PCBP3: variants seen among roughly 807,000 people sequenced by gnomAD.
PCBP3 encodes the protein poly(rC)-binding protein 3.
PCBP3 carries 25 observed loss-of-function variants against 52.7 expected under a neutral mutation model. That is an observed-to-expected ratio of 0.47 (90% CI 0.35 to 0.66). The LOEUF (loss-of-function observed/expected upper bound fraction) is 0.66, where lower values mean the gene tolerates loss of function less well. Among genes scored for constraint, PCBP3 ranks in the 30% least tolerant of loss-of-function variants. The pLI is 0.01. For synonymous variants in PCBP3, 162 were observed against 183.0 expected, an observed-to-expected ratio of 0.89 and a Z score of 0.93; for missense variants, 391 against 490.3, an observed-to-expected ratio of 0.80 and a Z score of 1.91.
chr21:45,740,612 G>GGT (rs1309958044), intron 3 of PCBP3, among the ~76,000 whole-genome samples: 2 of 110,624 alleles, frequency 1.8e-5, no homozygotes, highest in Non-Finnish European at 3.9e-5. Flanking sequence ...GTGTGTGTGT[G>GGT]GTGTGTGTAG....
chr21:45,910,263 A>G (rs1715080677), intron 10 of PCBP3, among the ~76,000 whole-genome samples: 1 of 130,262 alleles, frequency 7.7e-6, no homozygotes, highest in African/African-American at 2.9e-5. Context: ...TCACCTATGG[A>G]TCCTGCCCAC....
chr21:45,920,599 T>TG (rs561777443), intron 13 of PCBP3, among the ~76,000 whole-genome samples: 13 of 152,184 alleles, frequency 8.5e-5, no homozygotes, highest in African/African-American at 1.9e-4. Context: ...TATTAGAGGG[T>TG]GGGGGGTCCC....
chr21:45,808,195 G>T (rs58952758), intron 4 of PCBP3, among the ~76,000 whole-genome samples: 22,743 of 152,150 alleles, frequency 0.15, 1,887 homozygotes, highest in Middle Eastern at 0.3. Context: ...TTGACAAATG[G>T]GATCTAATTA....
intron 16 of PCBP3, among the ~76,000 whole-genome samples, chr21:45,935,857 A>G (rs2149561302): frequency 2.0e-5 from 3 of 152,366 alleles, no homozygotes; most frequent in Admixed American, 2.0e-4. Flanking sequence ...CAACACACAC[A>G]GTCCTCCCCA....
At chr21:45,723,385 C>T (rs760451440) in intron 2 of PCBP3, among the ~76,000 whole-genome samples, 8 of 152,314 alleles carry the variant, frequency 5.3e-5, no homozygotes, top group East Asian at 1.9e-4. Flanking sequence ...TGGTGAGAGG[C>T]CAGACAGACT....
intron 4 of PCBP3, among the ~76,000 whole-genome samples, chr21:45,790,619 G>A (rs1013162025): frequency 6.6e-6 from 1 of 152,152 alleles, no homozygotes; most frequent in Non-Finnish European, 1.5e-5. Context: ...GGGATGCAGT[G>A]GAGGAACAAG....
chr21:45,813,479 T>C (rs1189972230), intron 4 of PCBP3, among the ~76,000 whole-genome samples: 1 of 152,248 alleles, frequency 6.6e-6, no homozygotes, highest in African/African-American at 2.4e-5. Context: ...TCTCCCTCTG[T>C]TGCCCAGGCT....
intron 11 of PCBP3, among the ~76,000 whole-genome samples, chr21:45,912,202 C>A (rs1300719979): frequency 6.6e-6 from 1 of 152,210 alleles, no homozygotes; most frequent in Non-Finnish European, 1.5e-5. Context: ...ATCATCCGAA[C>A]CACCCTATCT....
At chr21:45,787,195 G>A (rs893095607) in intron 4 of PCBP3, among the ~76,000 whole-genome samples, 8 of 152,050 alleles carry the variant, frequency 5.3e-5, no homozygotes, top group Non-Finnish European at 1.0e-4. Flanking sequence ...ATCAGTGCCT[G>A]TTTCTGGAAC....
intron 4 of PCBP3, among the ~76,000 whole-genome samples, chr21:45,832,454 G>C (rs1175246219): frequency 6.6e-6 from 1 of 152,126 alleles, no homozygotes; most frequent in Non-Finnish European, 1.5e-5. Context: ...ATTTTACCCA[G>C]CCCTTACTCA....
intron 1 of PCBP3, among the ~76,000 whole-genome samples, chr21:45,646,433 C>G (rs1384884144): frequency 2.0e-5 from 3 of 151,832 alleles, no homozygotes; most frequent in Non-Finnish European, 4.4e-5. Context: ...AACAACCATT[C>G]CTTTAAGAAA....
At chr21:45,652,407 G>C (rs2079744177) in intron 1 of PCBP3, among the ~76,000 whole-genome samples, 1 of 150,316 alleles carries the variant, frequency 6.7e-6, no homozygotes, top group South Asian at 2.1e-4. Context: ...GATCATGCCA[G>C]CTTATTCTTA....
chr21:45,786,475 G>C (rs1264970896), intron 4 of PCBP3, among the ~76,000 whole-genome samples: 4 of 152,060 alleles, frequency 2.6e-5, no homozygotes, highest in Non-Finnish European at 4.4e-5. Flanking sequence ...ATTTTTAGTA[G>C]AGATGGGGTT....
chr21:45,747,579 CGGGCCCCAGAACCAGGAG>C (rs1358807723), intron 3 of PCBP3, among the ~76,000 whole-genome samples: 2 of 152,184 alleles, frequency 1.3e-5, no homozygotes, highest in Non-Finnish European at 2.9e-5. Context: ...TGTGGAAATG[CGGGCCCCAGAACCAGGAG>C]GGCCAGGGAA....
rs551182233 is a variant in PCBP3, at chr21:45,735,852, C to T, written c.-162+423C>T. On this transcript the variant is annotated intron_variant, in intron 3 of 17. Transcript: ENST00000681687. This position sits in a 1 kb window ranked among gnomAD's most constrained non-coding sequence, Gnocchi z 4.0. ...CACTGCCCGGTAGTGCCTGTGTGTG[C>T]GGTGGCCATGATGGCACCACAATGT... 5.9e-5 allele frequency among the ~76,000 whole-genome samples: 9 copies of T among 152,296 alleles called. No individual in the cohort carries two copies. The highest frequency in any genetic ancestry group is 1.9e-4 in the East Asian group (1 of 5,184).
rs959425505 is a variant in PCBP3 at position 45,805,548 on chromosome 21, G to C, written c.-125-44413G>C. Among the ~76,000 whole-genome samples, 1 of 152,210 alleles carries C rather than the reference G, an allele frequency of 6.6e-6. No individual in the cohort carries two copies. Among genetic ancestry groups the C allele is most frequent in the Admixed American group, 6.5e-5 (1 of 15,288 alleles). Reference sequence around the variant, plus strand: ...GAGGTGCTCAGAGGCCTTGTGGGCAGTGTGGCAGAACGGCACATACAGGTG... The same window carrying C: ...GAGGTGCTCAGAGGCCTTGTGGGCACTGTGGCAGAACGGCACATACAGGTG... On this transcript the variant is annotated intron_variant, in intron 4 of 17. Coordinates refer to ENST00000681687, the MANE Select transcript of PCBP3 (RefSeq NM_001384156.1). The surrounding 1 kb of genome is among the most constrained non-coding windows in gnomAD (Gnocchi z 4.6).
chr21:45,681,719 G>C (rs1369121602), intron 2 of PCBP3, among the ~76,000 whole-genome samples: 2 of 151,894 alleles, frequency 1.3e-5, no homozygotes, highest in Non-Finnish European at 1.5e-5. Flanking sequence ...TATTTCTTTT[G>C]GTAATGTCTT....
In PCBP3 at chr21:45,735,006, G is replaced by A. The variant is rs1025367762; in HGVS notation, c.-199-386G>A. On this transcript the variant is annotated intron_variant, in intron 2 of 17. Coordinates refer to ENST00000681687, the MANE Select transcript of PCBP3 (RefSeq NM_001384156.1). This position sits in a 1 kb window ranked among gnomAD's most constrained non-coding sequence, Gnocchi z 4.0. ...CTTCAGGGTGGAGCCGAGACTGTGG[G>A]TGTTCTGGGCTGTCCCGTCCCGTAT... 3.3e-5 allele frequency among the ~76,000 whole-genome samples: 5 copies of A among 152,312 alleles called. No homozygotes were observed. The highest frequency in any genetic ancestry group is 1.2e-4 in the African/African-American group (5 of 41,562).
In PCBP3 at chr21:45,928,027, C is replaced by T. The variant is rs1185055099; in HGVS notation, c.718-1890C>T. On this transcript the variant is annotated intron_variant, in intron 13 of 17. Coordinates refer to ENST00000681687, the MANE Select transcript of PCBP3 (RefSeq NM_001384156.1). The surrounding 1 kb of genome is among the most constrained non-coding windows in gnomAD (Gnocchi z 4.1). ...CAGGAGTGTCTCACCCCGCCGTGGG[C>T]GATCTTGCCTGCAGCTCTCCTACCC... Among the ~76,000 whole-genome samples, 12 of 152,220 alleles carry T rather than the reference C, an allele frequency of 7.9e-5. 1 individual carries two copies. Among genetic ancestry groups the T allele is most frequent in the Non-Finnish European group, 1.5e-4 (10 of 68,036 alleles).
Sources: allele counts gnomAD v4.1 joint callset (sites outside exome capture counted in the v4.1 genomes callset), GRCh38; gene constraint gnomAD v4.1.1; non-coding constraint Gnocchi (gnomAD v3.1); transcripts MANE v1.5; gene names NCBI Gene and HGNC (gene_info 2026-07-23, HGNC 2026-07-21).